TSPEAR: variants seen among roughly 807,000 people sequenced by gnomAD.
TSPEAR encodes the protein thrombospondin-type laminin G domain and EAR repeat-containing protein.
TSPEAR carries 69 observed loss-of-function variants against 71.6 expected under a neutral mutation model. That is an observed-to-expected ratio of 0.96 (90% CI 0.79 to 1.18). The LOEUF (loss-of-function observed/expected upper bound fraction) is 1.18. Ranked by LOEUF, TSPEAR falls within the 50% of genes most tolerant of loss-of-function variation. The pLI is 0.00. For missense variants in TSPEAR, 971 were observed against 894.9 expected (o/e 1.09, Z -1.09); for synonymous variants, 402 against 387.2 (o/e 1.04, Z -0.45).
intron 1 of TSPEAR, chr21:44,579,715 T>A (rs1366394573): frequency 3.2e-6 from 5 of 1,580,496 alleles, no homozygotes; most frequent in African/African-American, 1.3e-5. Context: ...CAGTTGGCCC[T>A]GGGGGATGTG....
intron 2 of TSPEAR, chr21:44,551,303 A>G: frequency 1.2e-6 from 2 of 1,613,386 alleles, no homozygotes; most frequent in Non-Finnish European, 1.7e-6. Flanking sequence ...GGCTGGACAC[A>G]CAGCTCACTG....
At chr21:44,580,664 TGAGGTGCTCA>T (rs1555925021) in intron 1 of TSPEAR, 1 of 1,386,588 alleles carries the variant, frequency 7.2e-7, no homozygotes, top group African/African-American at 1.4e-5. Context: ...AGTGAGTGAG[TGAGGTGCTCA>T]GGGCTGTGGG....
intron 1 of TSPEAR, among the ~76,000 whole-genome samples, chr21:44,628,908 G>T (rs1325393474): frequency 6.6e-6 from 1 of 151,846 alleles, no homozygotes; most frequent in African/African-American, 2.4e-5. Flanking sequence ...ACAGACACGT[G>T]GTCTCCAGAG....
intron 2 of TSPEAR, chr21:44,551,458 T>C: frequency 6.2e-7 from 1 of 1,606,430 alleles, no homozygotes; most frequent in Non-Finnish European, 8.5e-7. Context: ...GAGGCGGCCA[T>C]GCTGGAGTGG....
intron 1 of TSPEAR, among the ~76,000 whole-genome samples, chr21:44,604,109 G>A (rs1450047283): frequency 9.2e-5 from 14 of 152,182 alleles, no homozygotes; most frequent in African/African-American, 2.9e-4. Context: ...ACAGGTTGTG[G>A]GAGCCCTGCT....
At chr21:44,665,412 G>C (rs1985699697) in intron 1 of TSPEAR, among the ~76,000 whole-genome samples, 1 of 152,230 alleles carries the variant, frequency 6.6e-6, no homozygotes, top group East Asian at 1.9e-4. Context: ...AGCCCCCCAG[G>C]AGGGGAATAC....
chr21:44,611,989 G>A (rs1237064605), intron 1 of TSPEAR: 1 of 1,123,540 alleles, frequency 8.9e-7, no homozygotes, highest in Non-Finnish European at 1.3e-6. Context: ...GGGAAGGCTT[G>A]TGAGACTCCT....
intron 2 of TSPEAR, among the ~76,000 whole-genome samples, chr21:44,560,004 T>A (rs984620977): frequency 6.6e-6 from 1 of 152,090 alleles, no homozygotes; most frequent in East Asian, 1.9e-4. Flanking sequence ...TGGAAAAATA[T>A]TATTTCATAG....
intron 1 of TSPEAR, among the ~76,000 whole-genome samples, chr21:44,679,331 A>G (rs587744061): frequency 2.0e-5 from 3 of 152,332 alleles, no homozygotes; most frequent in Admixed American, 6.5e-5. Flanking sequence ...CTGGCAATAA[A>G]TATAACCAAG....
intron 2 of TSPEAR, among the ~76,000 whole-genome samples, chr21:44,535,580 CTGTT>C (rs373161841): frequency 1.7e-3 from 261 of 152,298 alleles, no homozygotes; most frequent in African/African-American, 5.9e-3. Context: ...CACGAATACA[CTGTT>C]TGTACACTGC....
chr21:44,647,234 C>T (rs1984484045), intron 1 of TSPEAR: 1 of 1,605,042 alleles, frequency 6.2e-7, no homozygotes. Context: ...TGCTGTGCCC[C>T]CACCTCCTCC....
intron 1 of TSPEAR, among the ~76,000 whole-genome samples, chr21:44,584,759 A>G (rs1555925520): frequency 1.3e-5 from 2 of 152,220 alleles, no homozygotes; most frequent in Admixed American, 6.5e-5. Context: ...AAGGCTGATG[A>G]TATACACCTT....
intron 10 of TSPEAR, among the ~76,000 whole-genome samples, 181 bp from the exon 11 acceptor site, chr21:44,505,062 A>T (rs1555911737): frequency 2.0e-5 from 3 of 152,116 alleles, no homozygotes; most frequent in Admixed American, 6.5e-5. Context: ...TTGTTTGCTT[A>T]AAAAAAATTT....
chr21:44,595,215 ATCT>A (rs1164450640), intron 1 of TSPEAR, among the ~76,000 whole-genome samples: 1 of 151,964 alleles, frequency 6.6e-6, no homozygotes, highest in African/African-American at 2.4e-5. Context: ...TTCTCTCTGT[ATCT>A]CTCCATCTCT....
At chr21:44,595,074 G>A (rs1555927458) in intron 1 of TSPEAR, among the ~76,000 whole-genome samples, 1 of 152,026 alleles carries the variant, frequency 6.6e-6, no homozygotes, top group Non-Finnish European at 1.5e-5. Context: ...CACCTACCTT[G>A]GCCTCCCAAA....
intron 1 of TSPEAR, among the ~76,000 whole-genome samples, chr21:44,705,555 A>G (rs1987869522): frequency 6.6e-6 from 1 of 152,214 alleles, no homozygotes; most frequent in Non-Finnish European, 1.5e-5. Context: ...ACCTAGGGGT[A>G]GGTCTCTGAA....
intron 10 of TSPEAR, chr21:44,508,311 T>C (rs187204149): frequency 2.0e-5 from 4 of 200,266 alleles, no homozygotes; most frequent in Admixed American, 1.7e-4. Flanking sequence ...GGTCTAAAGG[T>C]ATGTGTTGTT....
At chr21:44,676,418 C>A in intron 1 of TSPEAR, 3 of 1,137,734 alleles carry the variant, frequency 2.6e-6, no homozygotes, top group East Asian at 2.3e-5. Flanking sequence ...TACTTTAATG[C>A]CTCCACTGAA....
intron 1 of TSPEAR, among the ~76,000 whole-genome samples, chr21:44,698,354 G>A (rs192737700): frequency 2.0e-5 from 3 of 152,324 alleles, no homozygotes; most frequent in African/African-American, 7.2e-5. Context: ...CACAGATGCA[G>A]CCTCCTGGGG....
Sources: allele counts gnomAD v4.1 joint callset (sites outside exome capture counted in the v4.1 genomes callset), GRCh38; gene constraint gnomAD v4.1.1; transcripts MANE v1.5; gene names NCBI Gene and HGNC (gene_info 2026-07-23, HGNC 2026-07-21).